MTUS1: variants seen among roughly 807,000 people sequenced by gnomAD.
MTUS1 encodes microtubule-associated tumor suppressor 1.
Under a neutral mutation model 120.8 loss-of-function variants are expected in MTUS1, and 109 were observed. The observed-to-expected ratio is 0.90, with a 90% CI of 0.77 to 1.06. The LOEUF is 1.06. Ranked by LOEUF, MTUS1 falls within the 50% of genes least tolerant of loss-of-function variation. The pLI is 0.00. For missense variants in MTUS1, 2,210 were observed against 1,486.3 expected (o/e 1.49, Z -8.01); for synonymous variants, 737 against 550.5 (o/e 1.34, Z -4.74).
At chr8:17,722,699 A>G (rs187108604) in intron 4 of MTUS1, 11 of 294,788 alleles carry the variant, frequency 3.7e-5, no homozygotes, top group Non-Finnish European at 5.5e-5. Flanking sequence ...GTGTGATTTT[A>G]GACCAGTGAC....
At chr8:17,747,613 A>G (rs1321966391) in intron 2 of MTUS1, among the ~76,000 whole-genome samples, 1 of 152,132 alleles carries the variant, frequency 6.6e-6, no homozygotes, top group Non-Finnish European at 1.5e-5. Flanking sequence ...TTTCTGAATA[A>G]TGTCTTTTTA....
At chr8:17,748,458 T>G (rs2047936348) in intron 2 of MTUS1, among the ~76,000 whole-genome samples, 1 of 152,156 alleles carries the variant, frequency 6.6e-6, no homozygotes, top group Non-Finnish European at 1.5e-5. Context: ...AAAAAGGTTA[T>G]CACACTGACC....
chr8:17,666,781 C>T (rs1051597644), intron 8 of MTUS1, among the ~76,000 whole-genome samples: 2 of 152,160 alleles, frequency 1.3e-5, no homozygotes, highest in African/African-American at 2.4e-5. Context: ...AGAAGTGCTG[C>T]CTCTCCTTCT....
chr8:17,761,600 T>C (rs566658495), intron 1 of MTUS1, among the ~76,000 whole-genome samples: 7 of 152,324 alleles, frequency 4.6e-5, no homozygotes, highest in Middle Eastern at 3.4e-3. Flanking sequence ...ACCCACAGTG[T>C]CTAGCTTAAT....
chr8:17,705,102 C>T (rs1373981869), intron 6 of MTUS1, among the ~76,000 whole-genome samples: 2 of 152,152 alleles, frequency 1.3e-5, no homozygotes, highest in African/African-American at 4.8e-5. Flanking sequence ...TCTGCCTCAG[C>T]CTCATGAGTG....
At chr8:17,654,721 G>T in intron 9 of MTUS1, 55 bp from the exon 10 acceptor site, 2 of 1,288,406 alleles carry the variant, frequency 1.6e-6, no homozygotes, top group Non-Finnish European at 1.1e-6. Context: ...GTCCTAAGTT[G>T]AATACGCAAA....
At chr8:17,689,172 C>G (rs1250018835) in intron 6 of MTUS1, among the ~76,000 whole-genome samples, 3 of 152,140 alleles carry the variant, frequency 2.0e-5, no homozygotes, top group Admixed American at 6.5e-5. Flanking sequence ...GATCACGCCA[C>G]TGCACTCCAG....
chr8:17,733,051 A>G (rs2046695150), intron 3 of MTUS1, among the ~76,000 whole-genome samples: 1 of 152,086 alleles, frequency 6.6e-6, no homozygotes, highest in African/African-American at 2.4e-5. Flanking sequence ...TATGATTTTC[A>G]AGACTATACA....
intron 1 of MTUS1, among the ~76,000 whole-genome samples, chr8:17,764,752 G>C (rs184063550): frequency 1.3e-4 from 20 of 152,328 alleles, no homozygotes; most frequent in African/African-American, 4.6e-4. Context: ...TTACAAAAAA[G>C]AGGCAGTGGG....
At chr8:17,785,340 G>C (rs957908310) in intron 1 of MTUS1, among the ~76,000 whole-genome samples, 1 of 152,210 alleles carries the variant, frequency 6.6e-6, no homozygotes, top group African/African-American at 2.4e-5. Flanking sequence ...AGAAAACAGT[G>C]AAATGTCACT....
chr8:17,792,824 A>G (rs966334426), intron 1 of MTUS1, among the ~76,000 whole-genome samples: 2 of 152,246 alleles, frequency 1.3e-5, no homozygotes, highest in Non-Finnish European at 2.9e-5. Context: ...AGATCACACC[A>G]CTGTCCTCCA....
At chr8:17,674,805 C>T (rs2269696) in intron 8 of MTUS1, 684,303 of 1,032,138 alleles carry the variant, frequency 0.66, 230,396 homozygotes, top group East Asian at 0.81. Context: ...GGAAGTACAA[C>T]GGATTTACTG....
At chr8:17,732,740 T>C (rs1277370756) in intron 3 of MTUS1, among the ~76,000 whole-genome samples, 1 of 152,114 alleles carries the variant, frequency 6.6e-6, no homozygotes, top group Non-Finnish European at 1.5e-5. Context: ...GGCTGCACCA[T>C]TCTTCCATTG....
At chr8:17,753,632 GACT>G in intron 2 of MTUS1, 82 bp downstream of exon 2, 1 of 889,562 alleles carries the variant, frequency 1.1e-6, no homozygotes, top group Non-Finnish European at 1.7e-6. Context: ...CAATATTATT[GACT>G]AATAGATAAC....
At chr8:17,681,528 T>C (rs1369059790) in intron 7 of MTUS1, 1 of 154,816 alleles carries the variant, frequency 6.5e-6, no homozygotes. Context: ...CCAACTCGTG[T>C]CTTTGGTGAG....
chr8:17,745,712 A>T (rs1283146653), intron 2 of MTUS1, among the ~76,000 whole-genome samples: 1 of 152,214 alleles, frequency 6.6e-6, no homozygotes, highest in Non-Finnish European at 1.5e-5. Flanking sequence ...TCGAACGTTA[A>T]TAACTCCATT....
chr8:17,678,018 C>A (rs1813474671), intron 7 of MTUS1, among the ~76,000 whole-genome samples: 3 of 152,122 alleles, frequency 2.0e-5, no homozygotes, highest in Admixed American at 2.0e-4. Context: ...GGTCATCTAT[C>A]AAGGCAGATG....
intron 1 of MTUS1, among the ~76,000 whole-genome samples, chr8:17,767,700 T>TAAGA (rs1554533204): frequency 3.4e-5 from 3 of 87,888 alleles, no homozygotes; most frequent in African/African-American, 1.5e-4. Flanking sequence ...CCCTGTCTCT[T>TAAGA]AAAAAAAAAA....
intron 1 of MTUS1, among the ~76,000 whole-genome samples, chr8:17,769,644 G>A (rs916337254): frequency 2.6e-5 from 4 of 152,002 alleles, no homozygotes; most frequent in African/African-American, 7.3e-5. Flanking sequence ...ACCCGCGCCC[G>A]GCCCTTAGTC....
Sources: gnomAD v4.1 joint callset for allele counts (sites outside exome capture counted in the v4.1 genomes callset) on GRCh38, gnomAD v4.1.1 for gene constraint, MANE v1.5 for transcripts, NCBI Gene and HGNC (gene_info 2026-07-23, HGNC 2026-07-21) for gene names.